SLFN12L: variants seen among roughly 807,000 people sequenced by gnomAD.
The protein encoded by SLFN12L is schlafen family member 12-like.
SLFN12L carries 34 observed loss-of-function variants against 34.8 expected under a neutral mutation model. That is an observed-to-expected ratio of 0.98 (90% CI 0.74 to 1.30). The LOEUF (loss-of-function observed/expected upper bound fraction) is 1.30. SLFN12L is among the 50% of genes most tolerant of loss of function. The pLI, the probability that SLFN12L is intolerant of heterozygous loss-of-function variation, is 0.00. For synonymous variants in SLFN12L, 259 were observed against 247.5 expected (o/e 1.05, Z -0.44); for missense variants, 703 against 696.2 (o/e 1.01, Z -0.11).
chr17:35,522,186 T>G (rs1916017857), intron 2 of SLFN12L, 93 bp downstream of exon 2: 1 of 1,519,858 alleles, frequency 6.6e-7, no homozygotes, highest in East Asian at 2.4e-5. Context: ...ACAGATAATT[T>G]TACCACTTAA....
rs187537287 is a variant in SLFN12L at position 35,465,363 on chromosome 17, T to G, written c.*9560A>C. Among the ~76,000 whole-genome samples the G allele has an allele frequency of 1.1e-4, 17 of 152,264 alleles. No individual in the cohort carries two copies. Among genetic ancestry groups the G allele is most frequent in the African/African-American group, 3.9e-4 (16 of 41,540 alleles). ...TTAAAAATAGCTATGCCTTATTTTATATCTTGATTGAATTGCTCATAGTTG... is the reference window on the plus strand; with the variant it reads ...TTAAAAATAGCTATGCCTTATTTTAGATCTTGATTGAATTGCTCATAGTTG... On this transcript the variant is annotated 3_prime_UTR_variant, in exon 5 of 5. Transcript: ENST00000628453.
rs1371130895 is a variant in SLFN12L at position 35,472,037 on chromosome 17, T to G, written c.*2886A>C. Among the ~76,000 whole-genome samples, 2 of 152,228 alleles carry G rather than the reference T, an allele frequency of 1.3e-5. No individual in the cohort carries two copies. Among genetic ancestry groups the G allele is most frequent in the Non-Finnish European group, 2.9e-5 (2 of 68,046 alleles). ...TCCGTTCACTCTGATGGTGGTTTCT[T>G]TCCCTGTACAGAAGCTCTTTAGTTT... On this transcript the variant is annotated 3_prime_UTR_variant, in exon 5 of 5. Transcript: ENST00000628453.
At position 35,494,052 on chromosome 17, in the gene SLFN12L, A is replaced by G. The variant is rs545491550; in HGVS notation, c.87-13857T>C. On this transcript the variant is annotated intron_variant, in intron 2 of 4. Coordinates refer to ENST00000628453, the MANE Select transcript of SLFN12L (RefSeq NM_001363830.2). Reference sequence around the variant, plus strand: ...ATGAGAAGGAGGGATTTGAAGGAAGATGACTTGCAGAGTAAGTCGGGTAGC... The same window carrying G: ...ATGAGAAGGAGGGATTTGAAGGAAGGTGACTTGCAGAGTAAGTCGGGTAGC... Among the ~76,000 whole-genome samples the G allele has an allele frequency of 2.0e-5, 3 of 152,292 alleles. No homozygotes were observed. In the South Asian group the frequency reaches 6.2e-4, roughly 32 times the overall value.
chr17:35,523,866 C>T (rs758462865), intron 1 of SLFN12L, among the ~76,000 whole-genome samples: 4 of 152,028 alleles, frequency 2.6e-5, no homozygotes, highest in East Asian at 3.9e-4. Context: ...GCCCAGGAGG[C>T]GGAGGTTGCA....
intron 2 of SLFN12L, among the ~76,000 whole-genome samples, chr17:35,481,714 G>T (rs910826551): frequency 6.6e-6 from 1 of 152,080 alleles, no homozygotes; most frequent in South Asian, 2.1e-4. Context: ...CAGCCCAGCT[G>T]TTTTTCTTAT....
intron 2 of SLFN12L, among the ~76,000 whole-genome samples, chr17:35,507,377 T>C (rs1421001378): frequency 1.3e-5 from 2 of 152,188 alleles, no homozygotes; most frequent in Admixed American, 6.5e-5. Flanking sequence ...CAAGCTATCT[T>C]AGAAATAATC....
intron 1 of SLFN12L, among the ~76,000 whole-genome samples, chr17:35,530,425 GGA>G (rs1567693775): frequency 0.012 from 104 of 8,354 alleles, 13 homozygotes; most frequent in African/African-American, 0.023. Flanking sequence ...AAGGAAGGAA[GGA>G]AGGGAAGGGA....
At chr17:35,514,776 T>C in intron 2 of SLFN12L, 3 of 394,922 alleles carry the variant, frequency 7.6e-6, no homozygotes, top group Non-Finnish European at 1.5e-5. Context: ...TCATTCCACA[T>C]CGTCTTTGGC....
chr17:35,519,148 C>T (rs1245944888), intron 2 of SLFN12L, among the ~76,000 whole-genome samples: 3 of 152,048 alleles, frequency 2.0e-5, no homozygotes, highest in South Asian at 2.1e-4. Flanking sequence ...TAAGAACACA[C>T]GGACACACAA....
intron 2 of SLFN12L, chr17:35,487,799 G>T: frequency 6.6e-7 from 1 of 1,516,292 alleles, no homozygotes; most frequent in South Asian, 1.2e-5. Flanking sequence ...CCTGCTCTCC[G>T]CGTCCGTGTG....
intron 2 of SLFN12L, among the ~76,000 whole-genome samples, chr17:35,492,834 G>A (rs1291612477): frequency 2.0e-5 from 3 of 151,974 alleles, no homozygotes; most frequent in Admixed American, 1.3e-4. Flanking sequence ...GGAATGAGGG[G>A]GTCAGATAAA....
Position 35,522,770 on chromosome 17 carries a change from C to T in SLFN12L, c.-406G>A, listed in dbSNP as rs1916037152. ...TAGTCCTGGCCCTGCCAGGGCTGTTCTATGCTATCAGCAGAGCATCACAGA... is the reference window on the plus strand; with the variant it reads ...TAGTCCTGGCCCTGCCAGGGCTGTTTTATGCTATCAGCAGAGCATCACAGA... On this transcript the variant is annotated 5_prime_UTR_variant, in exon 2 of 5. Transcript: ENST00000628453. 1 of 1,596,420 alleles carries T rather than the reference C, an allele frequency of 6.3e-7. No homozygotes were observed. Among genetic ancestry groups the T allele is most frequent in the African/African-American group, 1.3e-5 (1 of 74,562 alleles).
At chr17:35,526,757 G>A (rs1251448215) in intron 1 of SLFN12L, among the ~76,000 whole-genome samples, 1 of 151,386 alleles carries the variant, frequency 6.6e-6, no homozygotes, top group Non-Finnish European at 1.5e-5. Flanking sequence ...GAAAAAGCAG[G>A]AAAGATCTAA....
intron 2 of SLFN12L, among the ~76,000 whole-genome samples, chr17:35,509,226 G>A (rs1488122879): frequency 6.6e-6 from 1 of 152,206 alleles, no homozygotes; most frequent in African/African-American, 2.4e-5. Context: ...TAGGGGATGA[G>A]GGAGAGGAAG....
intron 2 of SLFN12L, among the ~76,000 whole-genome samples, chr17:35,504,292 T>G (rs115307435): frequency 6.6e-5 from 10 of 152,272 alleles, no homozygotes; most frequent in Admixed American, 2.0e-4. Context: ...GTAGAGAGTT[T>G]TTATGCTGTA....
rs1429194666 is a variant in SLFN12L, at chr17:35,474,689, G to T, written c.*234C>A. ...GTACTCCTAGCACTTTGGGAGACCG[G>T]GGGGGGGGGTTGAATCACGAGGTCA... On this transcript the variant is annotated 3_prime_UTR_variant, in exon 5 of 5. Coordinates refer to ENST00000628453, the MANE Select transcript of SLFN12L (RefSeq NM_001363830.2). The T allele has an allele frequency of 9.4e-5, 30 of 320,212 alleles. No individual in the cohort carries two copies. Among genetic ancestry groups the T allele is most frequent in the South Asian group, 8.6e-4 (26 of 30,332 alleles). 19.8% of individuals were successfully genotyped at this position (320,212 alleles called of 1,614,324 possible). A position where few individuals can be genotyped will look rare whatever the true frequency, so the allele number is the denominator to read the frequency against.
At chr17:35,530,508 GAAAGAAAAGAAAAGAAAAGA>G (rs200936112) in intron 1 of SLFN12L, among the ~76,000 whole-genome samples, 1 of 32,714 alleles carries the variant, frequency 3.1e-5, no homozygotes, top group African/African-American at 7.9e-5. Context: ...AAGAAAGAAA[GAAAGAAAAGAAAAGAAAAGA>G]AAAGAAAAGA....
chr17:35,501,096 G>A (rs577591495), intron 2 of SLFN12L, among the ~76,000 whole-genome samples: 3 of 152,332 alleles, frequency 2.0e-5, no homozygotes, highest in East Asian at 1.9e-4. Flanking sequence ...ACCAGAAAGC[G>A]AGGTGATTAA....
Position 35,487,845 on chromosome 17 carries a change from C to T in SLFN12L, c.87-7650G>A, listed in dbSNP as rs1337857951. 5 of 1,237,840 alleles carry T rather than the reference C, an allele frequency of 4.0e-6. No homozygotes were observed. The African/African-American group carries it at 7.5e-5, about 19-fold the overall frequency. The allele number at this position is 1,237,840 out of a possible 1,614,324, so 76.7% of individuals were successfully genotyped here. ...CTCGCTCAGCTGCATTTCTATCGGG[C>T]ACTCGACTCCCCGGAAGTGGTGGCA... is the stretch of plus-strand genomic sequence containing the variant. On this transcript the variant is annotated intron_variant, in intron 2 of 4. Transcript: ENST00000628453.
Sources: gnomAD v4.1 joint callset for allele counts (sites outside exome capture counted in the v4.1 genomes callset) on GRCh38, gnomAD v4.1.1 for gene constraint, MANE v1.5 for transcripts, NCBI Gene and HGNC (gene_info 2026-07-23, HGNC 2026-07-21) for gene names.